Variants in KLRG1 observed in about 807,000 individuals in gnomAD.
KLRG1 encodes killer cell lectin like receptor G1, also known as killer cell lectin-like receptor subfamily G member 1.
KLRG1 carries 16 observed loss-of-function variants against 21.8 expected under a neutral mutation model. That is an observed-to-expected ratio of 0.73 (90% CI 0.50 to 1.11). KLRG1 has a LOEUF of 1.11. Ranked by LOEUF, KLRG1 falls within the 50% of genes most tolerant of loss-of-function variation. KLRG1 has a pLI of 0.00. For missense variants in KLRG1, 173 were observed against 218.3 expected (o/e 0.79, Z 1.31); for synonymous variants, 69 against 75.9 (o/e 0.91, Z 0.47).
chr12:9,090,615 A>C, the KLRG1 span: 1 of 885,034 alleles, frequency 1.1e-6, no homozygotes, highest in Non-Finnish European at 1.7e-6. Flanking sequence ...ATGAAGATCA[A>C]GTACCTGAAA....
At position 8,995,277 on chromosome 12, in the gene KLRG1, A is replaced by G; in HGVS notation, c.346A>G (p.Asn116Asp). Residue 116 changes from asparagine (N) to aspartate (D), a missense_variant, in exon 3 of 5, where the codon AAT becomes GAT. Physicochemically the swap from Asn to Asp is conservative, Grantham distance 23. Transcript: ENST00000356986. Reference protein sequence around the residue: ...RDSHLLVITDNQEMSLLQVFL... With the variant: ...RDSHLLVITDDQEMSLLQVFL... The stretch of plus-strand genomic sequence containing the variant: ...CTCACACCTCCTTGTGATAACGGAC[A>G]ATCAGGAAATGGTAAATGCAAACAT... 6.2e-7 allele frequency: 1 copy of G among 1,606,292 alleles called. No homozygotes were observed. Among genetic ancestry groups the G allele is most frequent in the Non-Finnish European group, 8.5e-7 (1 of 1,178,052 alleles).
At chr12:9,150,264 G>T in the KLRG1 span, among the ~76,000 whole-genome samples, 1 of 152,066 alleles carries the variant, frequency 6.6e-6, no homozygotes, top group South Asian at 2.1e-4. Context: ...TGTTCAGTAA[G>T]TTTTTGTTTT....
At chr12:9,213,920 A>G in the KLRG1 span, among the ~76,000 whole-genome samples, 1 of 151,980 alleles carries the variant, frequency 6.6e-6, no homozygotes. Flanking sequence ...GGTCCCAAGG[A>G]TTTATACCTA....
At chr12:9,019,242 G>A in the KLRG1 span, among the ~76,000 whole-genome samples, 2 of 152,126 alleles carry the variant, frequency 1.3e-5, no homozygotes, top group African/African-American at 2.4e-5. Context: ...CAGTTAAAAT[G>A]GATTTTATCC....
chr12:8,995,356 T>G, intron 3 of KLRG1, 68 bp downstream of exon 3: 1 of 1,344,340 alleles, frequency 7.4e-7, no homozygotes, highest in East Asian at 2.3e-5. Flanking sequence ...AAACTGCTAT[T>G]TAAATGTATC....
chr12:9,166,023 A>G, the KLRG1 span: 3 of 1,580,774 alleles, frequency 1.9e-6, no homozygotes, highest in Admixed American at 5.9e-5. Context: ...CCTCCCCTCC[A>G]GCAAATGGAG....
At chr12:9,164,903 G>A in the KLRG1 span, among the ~76,000 whole-genome samples, 3 of 152,254 alleles carry the variant, frequency 2.0e-5, no homozygotes, top group Admixed American at 2.0e-4. Context: ...TTCTGCAAGC[G>A]CTAAGAAATA....
chr12:9,181,981 G>A, the KLRG1 span: 1 of 1,613,258 alleles, frequency 6.2e-7, no homozygotes, highest in Non-Finnish European at 8.5e-7. Context: ...TCACCTTGTT[G>A]GCTAGACAGT....
the KLRG1 span, among the ~76,000 whole-genome samples, chr12:9,035,390 C>T: frequency 2.6e-5 from 4 of 151,248 alleles, no homozygotes; most frequent in Non-Finnish European, 4.4e-5. Flanking sequence ...AAGTGGGAGT[C>T]GAACAATGAG....
At chr12:9,060,393 T>C in the KLRG1 span, among the ~76,000 whole-genome samples, 1 of 152,140 alleles carries the variant, frequency 6.6e-6, no homozygotes, top group African/African-American at 2.4e-5. Flanking sequence ...CTGCTGGGAA[T>C]AAATAGCCTT....
intron 4 of KLRG1, 50 bp downstream of exon 4, chr12:9,009,125 G>T: frequency 7.3e-7 from 1 of 1,379,038 alleles, no homozygotes; most frequent in Non-Finnish European, 1.0e-6. Context: ...AAAAAGGAAA[G>T]CCAAATTATG....
chr12:9,089,213 TA>T, the KLRG1 span: 2 of 1,589,402 alleles, frequency 1.3e-6, no homozygotes, highest in Non-Finnish European at 1.7e-6. Flanking sequence ...ATGGACAAAG[TA>T]GGGAGTTGAA....
chr12:9,192,557 A>C, the KLRG1 span: 4 of 1,614,164 alleles, frequency 2.5e-6, no homozygotes, highest in African/African-American at 1.3e-5. Context: ...TGGCCTGTCT[A>C]TTCAGTGTAT....
chr12:9,061,176 G>A, the KLRG1 span, among the ~76,000 whole-genome samples: 4 of 152,002 alleles, frequency 2.6e-5, no homozygotes, highest in Non-Finnish European at 5.9e-5. Flanking sequence ...TTGAATTCCT[G>A]GGCTTCATAT....
the KLRG1 span, among the ~76,000 whole-genome samples, chr12:9,026,679 T>C: frequency 6.6e-6 from 1 of 152,158 alleles, no homozygotes; most frequent in Non-Finnish European, 1.5e-5. Context: ...GTTTTTTTCT[T>C]TTTTTCTTTT....
chr12:9,129,356 GAT>G, the KLRG1 span, among the ~76,000 whole-genome samples: 4 of 151,954 alleles, frequency 2.6e-5, no homozygotes, highest in East Asian at 7.7e-4. Flanking sequence ...TGAGGAGAGA[GAT>G]AGAGAAGAAA....
the KLRG1 span, among the ~76,000 whole-genome samples, chr12:9,131,098 C>T: frequency 6.6e-6 from 1 of 152,170 alleles, no homozygotes; most frequent in Non-Finnish European, 1.5e-5. Context: ...ACCATATACA[C>T]ACAGGCTTAT....
At chr12:9,074,087 TAAA>T in the KLRG1 span, among the ~76,000 whole-genome samples, 360 of 131,576 alleles carry the variant, frequency 2.7e-3, 3 homozygotes, top group African/African-American at 5.7e-3. Context: ...GACTCTGTCT[TAAA>T]AAAAAAAAAA....
chr12:9,210,855 T>C, the KLRG1 span, among the ~76,000 whole-genome samples: 1 of 152,310 alleles, frequency 6.6e-6, no homozygotes, highest in East Asian at 1.9e-4. Flanking sequence ...ATAGCCCTCT[T>C]TGGTGATCAT....
Sources: allele counts gnomAD v4.1 joint callset (sites outside exome capture counted in the v4.1 genomes callset), GRCh38; gene constraint gnomAD v4.1.1; transcripts MANE v1.5; gene names NCBI Gene and HGNC (gene_info 2026-07-23, HGNC 2026-07-21).